Variants in TMEM232 observed in about 807,000 individuals in gnomAD.
TMEM232 encodes the protein transmembrane protein 232.
Under a neutral mutation model 78.8 loss-of-function variants are expected in TMEM232, and 80 were observed. The observed-to-expected ratio is 1.01, with a 90% confidence interval of 0.85 to 1.22. TMEM232 has a LOEUF of 1.22. Ranked by LOEUF, TMEM232 falls within the 50% of genes most tolerant of loss-of-function variation. TMEM232 has a pLI of 0.00. For synonymous variants in TMEM232, 297 were observed against 254.3 expected (o/e 1.17, Z -1.60); for missense variants, 881 against 742.2 (o/e 1.19, Z -2.17).
chr5:110,737,275 TATTA>T (rs10601481), intron 1 of TMEM232, among the ~76,000 whole-genome samples: 13,052 of 152,140 alleles, frequency 0.086, 581 homozygotes, highest in Admixed American at 0.13. Flanking sequence ...AATAATAAAT[TATTA>T]ATCAATAATA....
At chr5:110,405,187 T>A (rs979335836) in intron 2 of TMEM232, among the ~76,000 whole-genome samples, 2 of 152,052 alleles carry the variant, frequency 1.3e-5, no homozygotes, top group Non-Finnish European at 2.9e-5. Flanking sequence ...ACTGAAAAAA[T>A]GAAGCAGGCT....
intron 10 of TMEM232, among the ~76,000 whole-genome samples, chr5:110,591,223 C>T (rs1396144396): frequency 6.6e-6 from 1 of 152,156 alleles, no homozygotes; most frequent in Admixed American, 6.5e-5. Context: ...TCTGAGAGGC[C>T]CAAGTGAGTG....
At chr5:110,683,415 AATATAT>A (rs925443682) in intron 1 of TMEM232, among the ~76,000 whole-genome samples, 1 of 151,518 alleles carries the variant, frequency 6.6e-6, no homozygotes, top group African/African-American at 2.4e-5. Flanking sequence ...GTGGCCTTGT[AATATAT>A]ATATAGAGAG....
chr5:110,401,373 A>G (rs1356284820), intron 2 of TMEM232, among the ~76,000 whole-genome samples: 2 of 151,226 alleles, frequency 1.3e-5, no homozygotes, highest in East Asian at 1.9e-4. Context: ...CCGTTTCTAC[A>G]TATAAGAGGT....
chr5:110,656,640 C>T lies in TMEM232; in HGVS notation c.125+10588G>A, dbSNP rs549288151. On this transcript the variant is annotated intron_variant, in intron 2 of 13. Transcript: ENST00000455884. ...GGATCACGAGGTCAGGAGATCGAGACCATCCTGGCTAACAAGTGAAACCCC... is the reference window on the plus strand; with the variant it reads ...GGATCACGAGGTCAGGAGATCGAGATCATCCTGGCTAACAAGTGAAACCCC... Among the ~76,000 whole-genome samples, 294 of 152,144 alleles carry T rather than the reference C, an allele frequency of 1.9e-3. 2 individuals carry two copies. The highest frequency in any genetic ancestry group is 6.7e-3 in the African/African-American group (278 of 41,504).
chr5:110,486,109 T>C (rs563998143), intron 12 of TMEM232, among the ~76,000 whole-genome samples: 9 of 152,162 alleles, frequency 5.9e-5, no homozygotes, highest in African/African-American at 2.2e-4. Flanking sequence ...TGTTGGCCAT[T>C]TGTATATCTT....
intron 2 of TMEM232, among the ~76,000 whole-genome samples, chr5:110,662,566 A>G (rs760561636): frequency 1.3e-5 from 2 of 152,160 alleles, no homozygotes; most frequent in Non-Finnish European, 2.9e-5. Context: ...GGAAAAATCT[A>G]TCATCTTGAC....
At chr5:110,673,121 C>T (rs1338261805) in intron 1 of TMEM232, among the ~76,000 whole-genome samples, 1 of 152,014 alleles carries the variant, frequency 6.6e-6, no homozygotes, top group Admixed American at 6.6e-5. Flanking sequence ...TACTATGCAG[C>T]CATAAAAAAT....
chr5:110,598,402 C>G (rs199782206), intron 10 of TMEM232, among the ~76,000 whole-genome samples: 1 of 152,136 alleles, frequency 6.6e-6, no homozygotes, highest in African/African-American at 2.4e-5. Flanking sequence ...AACGCTTTTA[C>G]ACTGTTGGTG....
chr5:110,644,059 A>G (rs186168356), intron 2 of TMEM232, among the ~76,000 whole-genome samples: 43 of 152,102 alleles, frequency 2.8e-4, no homozygotes, highest in Non-Finnish European at 4.4e-4. Context: ...CAAATAATCC[A>G]GCCTTAGTGG....
chr5:110,441,491 T>A (rs1759039153), intron 12 of TMEM232, among the ~76,000 whole-genome samples: 1 of 152,164 alleles, frequency 6.6e-6, no homozygotes, highest in Non-Finnish European at 1.5e-5. Flanking sequence ...ATGGCACCAA[T>A]AATCCCTGCC....
chr5:110,568,520 A>G lies in TMEM232; in HGVS notation c.1382T>C (p.Ile461Thr). ...CTTTGTTTTCTGCAATGTTTGCCAT[A>G]TCATGTTTCTAAGTCCATCCTGTTC... The part of the protein sequence containing the change: ...DEEQDGLRNM[I>T]WQTLQKTKDY... The change falls in exon 11 of 14, where the codon ATA (isoleucine) becomes ACA (threonine). Residue 461 changes from isoleucine (I) to threonine (T), a missense_variant. Physicochemically the swap from Ile to Thr is moderately conservative, Grantham distance 89. Transcript: ENST00000455884. 6.5e-7 allele frequency: 1 copy of G among 1,549,364 alleles called. No homozygotes were observed. The highest frequency in any genetic ancestry group is 8.7e-7 in the Non-Finnish European group (1 of 1,145,676).
chr5:110,585,149 A>T (rs1490215660), intron 10 of TMEM232, among the ~76,000 whole-genome samples: 1 of 152,104 alleles, frequency 6.6e-6, no homozygotes, highest in African/African-American at 2.4e-5. Context: ...CATGGTAAAA[A>T]GCTTTGGATT....
At chr5:110,723,748 C>A (rs1797884700) in intron 1 of TMEM232, among the ~76,000 whole-genome samples, 3 of 152,306 alleles carry the variant, frequency 2.0e-5, no homozygotes, top group African/African-American at 7.2e-5. Context: ...GGCTAAAAAA[C>A]ATTTCTCCTG....
chr5:110,580,174 C>T (rs1444922337), intron 10 of TMEM232, among the ~76,000 whole-genome samples: 1 of 151,678 alleles, frequency 6.6e-6, no homozygotes, highest in Non-Finnish European at 1.5e-5. Context: ...ACATTTGCCA[C>T]ATAACAGTGT....
chr5:110,549,963 A>G (rs1013331397), intron 11 of TMEM232, among the ~76,000 whole-genome samples: 1 of 152,160 alleles, frequency 6.6e-6, no homozygotes, highest in Non-Finnish European at 1.5e-5. Flanking sequence ...TAATTTCCCA[A>G]TTCACTTCAT....
intron 10 of TMEM232, among the ~76,000 whole-genome samples, chr5:110,596,750 C>T (rs1475082973): frequency 6.6e-6 from 1 of 152,016 alleles, no homozygotes; most frequent in Non-Finnish European, 1.5e-5. Context: ...ATAAACAGAG[C>T]CAAAGACAAA....
chr5:110,400,017 A>G (rs1755533421), intron 2 of TMEM232, among the ~76,000 whole-genome samples: 1 of 152,146 alleles, frequency 6.6e-6, no homozygotes, highest in African/African-American at 2.4e-5. Context: ...CCTTGCTCTT[A>G]AGTTCCTGGC....
chr5:110,393,827 G>A (rs1043720060), intron 3 of TMEM232, among the ~76,000 whole-genome samples: 4 of 151,356 alleles, frequency 2.6e-5, no homozygotes, highest in African/African-American at 7.3e-5. Flanking sequence ...CATGGTAGGC[G>A]GGCACCTGTA....
Sources: gnomAD v4.1 joint callset for allele counts (sites outside exome capture counted in the v4.1 genomes callset) on GRCh38, gnomAD v4.1.1 for gene constraint, MANE v1.5 for transcripts, NCBI Gene and HGNC (gene_info 2026-07-23, HGNC 2026-07-21) for gene names.